DHX35: variants seen among roughly 807,000 people sequenced by gnomAD.
DHX35 encodes DEAH-box helicase 35, also known as probable ATP-dependent RNA helicase DHX35.
A neutral mutation model predicts 99.6 loss-of-function variants in DHX35; 84 were observed. The observed-to-expected ratio is 0.84, with a 90% CI of 0.71 to 1.01. The LOEUF is 1.01. Among genes scored for constraint, DHX35 ranks in the 50% least tolerant of loss-of-function variants. The pLI is 0.00. For missense variants in DHX35, 852 were observed against 888.5 expected (o/e 0.96, Z 0.52); for synonymous variants, 331 against 316.2 (o/e 1.05, Z -0.50).
intron 21 of DHX35, among the ~76,000 whole-genome samples, chr20:39,037,336 A>T (rs566678029): frequency 2.4e-4 from 36 of 152,136 alleles, no homozygotes; most frequent in Non-Finnish European, 7.3e-5. Flanking sequence ...ATTCTCAGAG[A>T]TATCTTCATT....
In DHX35 at chr20:39,001,728, A is replaced by G; in HGVS notation, c.643-2A>G. 1 of 1,598,616 alleles carries G rather than the reference A, an allele frequency of 6.3e-7. No homozygotes were observed. The highest frequency in any genetic ancestry group is 8.5e-7 in the Non-Finnish European group (1 of 1,173,434). On this transcript the variant is annotated splice_acceptor_variant, in intron 8 of 21. Coordinates refer to ENST00000252011, the MANE Select transcript of DHX35 (RefSeq NM_021931.4). LOFTEE classifies it high-confidence loss of function. ...ATGAAGAATTAATTTTTTTCTTTTT[A>G]GAAATTCCGGGATTTCTTTAATCAA...
intron 21 of DHX35, among the ~76,000 whole-genome samples, chr20:39,036,726 C>CCAAAAAAAA (rs1568767834): frequency 3.1e-4 from 16 of 51,700 alleles, no homozygotes; most frequent in African/African-American, 1.2e-3. Context: ...ACTGTCCCCC[C>CCAAAAAAAA]AAAAAAAAAA....
At chr20:38,983,893 A>G in intron 4 of DHX35, 117 bp downstream of exon 4, 1 of 821,160 alleles carries the variant, frequency 1.2e-6, no homozygotes, top group East Asian at 2.7e-5. Context: ...TTAGGTCTTC[A>G]GTTTTTATGT....
intron 12 of DHX35, among the ~76,000 whole-genome samples, chr20:39,006,613 G>A (rs2086623237): frequency 2.0e-5 from 3 of 152,222 alleles, no homozygotes. Context: ...TCTGGGCACA[G>A]GCCTGTGTAG....
intron 20 of DHX35, among the ~76,000 whole-genome samples, chr20:39,031,055 G>C (rs1002968118): frequency 6.6e-6 from 1 of 152,042 alleles, no homozygotes; most frequent in African/African-American, 2.4e-5. Flanking sequence ...TGAGCTACTC[G>C]GGAGGCTGAG....
At chr20:39,019,808 A>T (rs1010080707) in intron 15 of DHX35, among the ~76,000 whole-genome samples, 5 of 152,226 alleles carry the variant, frequency 3.3e-5, no homozygotes, top group African/African-American at 1.2e-4. Context: ...AGTGCAATAG[A>T]TCACTAAAAC....
At chr20:39,019,867 C>G (rs1384870572) in intron 15 of DHX35, among the ~76,000 whole-genome samples, 1 of 152,222 alleles carries the variant, frequency 6.6e-6, no homozygotes, top group Admixed American at 6.5e-5. Flanking sequence ...TCAACACCTC[C>G]TCTTTCTCCA....
At chr20:39,010,228 T>C in intron 12 of DHX35, 52 bp from the exon 13 acceptor site, 1 of 1,613,618 alleles carries the variant, frequency 6.2e-7, no homozygotes, top group Non-Finnish European at 8.5e-7. Flanking sequence ...GCATAGTGAT[T>C]GCATTTGATT....
At chr20:39,022,400 C>T (rs2086888148) in intron 16 of DHX35, among the ~76,000 whole-genome samples, 1 of 152,166 alleles carries the variant, frequency 6.6e-6, no homozygotes, top group South Asian at 2.1e-4. Context: ...CTCAGGTGAT[C>T]CGCCCTTGAC....
chr20:39,011,491 A>C (rs1201731906), intron 13 of DHX35, among the ~76,000 whole-genome samples: 3 of 152,036 alleles, frequency 2.0e-5, no homozygotes, highest in Non-Finnish European at 2.9e-5. Flanking sequence ...GTGTGCCACC[A>C]CGCCTGGCTA....
intron 15 of DHX35, among the ~76,000 whole-genome samples, chr20:39,021,065 C>G (rs2086865022): frequency 6.6e-6 from 1 of 152,160 alleles, no homozygotes; most frequent in Non-Finnish European, 1.5e-5. Flanking sequence ...GCCTTGTGCC[C>G]TGGAGTGGTG....
At chr20:39,036,988 G>T (rs1012947855) in intron 21 of DHX35, among the ~76,000 whole-genome samples, 2 of 152,118 alleles carry the variant, frequency 1.3e-5, no homozygotes, top group Non-Finnish European at 2.9e-5. Context: ...ATCATTCACG[G>T]CTCTGTTCCT....
chr20:39,000,183 G>A (rs2086495773), intron 8 of DHX35, among the ~76,000 whole-genome samples: 1 of 152,156 alleles, frequency 6.6e-6, no homozygotes, highest in South Asian at 2.1e-4. Flanking sequence ...TACAGTGCAG[G>A]CAAGGGATAC....
chr20:39,025,059 A>G lies in DHX35; in HGVS notation c.1672-171A>G, dbSNP rs1448540781. 5.3e-5 allele frequency among the ~76,000 whole-genome samples: 8 copies of G among 152,176 alleles called. No homozygotes were observed. In the South Asian group the frequency reaches 1.2e-3, roughly 24 times the overall value. Reference sequence around the variant, plus strand: ...GTTGCAGAGCAGTCAGATGTGTGCAAGGTTGTTAACATCTGTTTTGAGAGA... The same window carrying G: ...GTTGCAGAGCAGTCAGATGTGTGCAGGGTTGTTAACATCTGTTTTGAGAGA... On this transcript the variant is annotated intron_variant, in intron 17 of 21. Transcript: ENST00000252011.
Position 39,002,824 on chromosome 20 carries a change from C to A in DHX35, c.808C>A (p.Gln270Lys). 6.2e-7 allele frequency: 1 copy of A among 1,614,142 alleles called. No individual in the cohort carries two copies. The highest frequency in any genetic ancestry group is 8.5e-7 in the Non-Finnish European group (1 of 1,180,018). ...STVETVVKIH[Q>K]TEGDGDVLAF... ...TGTCGAAACTGTGGTGAAAATTCAC[C>A]AGACAGAGGGAGACGGAGACGTTTT... The change falls in exon 10 of 22, where the codon CAG becomes AAG. Residue 270 changes from glutamine to lysine, a missense_variant. Transcript: ENST00000252011.
chr20:39,036,134 G>A (rs1032798020), intron 21 of DHX35, among the ~76,000 whole-genome samples: 2 of 152,252 alleles, frequency 1.3e-5, no homozygotes, highest in Non-Finnish European at 2.9e-5. Context: ...GCCTGTTAAA[G>A]TAAGAAGATG....
chr20:39,014,555 A>G (rs2086752304), intron 13 of DHX35, among the ~76,000 whole-genome samples: 1 of 152,152 alleles, frequency 6.6e-6, no homozygotes, highest in African/African-American at 2.4e-5. Flanking sequence ...TGTGAAGTAA[A>G]AATTAGAAAT....
chr20:39,021,407 G>A (rs1188937746), intron 15 of DHX35, among the ~76,000 whole-genome samples: 1 of 152,164 alleles, frequency 6.6e-6, no homozygotes, highest in Non-Finnish European at 1.5e-5. Context: ...CTCCTTTTTT[G>A]GAGTCCTTCA....
chr20:39,028,468 G>A lies in DHX35; in HGVS notation c.1852G>A (p.Ala618Thr). The change falls in exon 19 of 22, where the codon GCA (alanine) becomes ACA (threonine). Residue 618 changes from alanine (A) to threonine (T), a missense_variant. Transcript: ENST00000252011. ...CATTGTCTCCGGCTTCTTCGCCAAT[G>A]CAGCGAGGTTTCATTCTACTGGAGC... ...RCIVSGFFANAARFHSTGAYR... is the reference protein window; with the variant it reads ...RCIVSGFFANTARFHSTGAYR... 1 of 1,614,248 alleles carries A rather than the reference G, an allele frequency of 6.2e-7. No homozygotes were observed. The highest frequency in any genetic ancestry group is 1.1e-5 in the South Asian group (1 of 91,084).
Sources: allele counts gnomAD v4.1 joint callset (sites outside exome capture counted in the v4.1 genomes callset), GRCh38; gene constraint gnomAD v4.1.1; transcripts MANE v1.5; gene names NCBI Gene and HGNC (gene_info 2026-07-23, HGNC 2026-07-21).